The following GKN2 variants were observed in gnomAD, a reference collection of about 807,000 sequenced individuals.
The protein encoded by GKN2 is gastrokine-2.
A neutral mutation model predicts 22.7 loss-of-function variants in GKN2; 17 were observed. That is an observed-to-expected ratio of 0.75 (90% CI 0.51 to 1.13). The LOEUF (loss-of-function observed/expected upper bound fraction) is 1.13. Ranked by LOEUF, GKN2 falls within the 50% of genes most tolerant of loss-of-function variation. The pLI is 0.00. For synonymous variants in GKN2, 82 were observed against 79.6 expected (o/e 1.03, Z -0.16); for missense variants, 248 against 221.4 (o/e 1.12, Z -0.76).
chr2:68,950,561 C>T, intron 2 of GKN2, 141 bp downstream of exon 2: 1 of 755,394 alleles, frequency 1.3e-6, no homozygotes, highest in Non-Finnish European at 2.2e-6. Context: ...TAGCCAAGCT[C>T]ATTATTTCCA....
At chr2:68,951,936 A>G (rs186440468) in intron 1 of GKN2, among the ~76,000 whole-genome samples, 1 of 152,374 alleles carries the variant, frequency 6.6e-6, no homozygotes, top group African/African-American at 2.4e-5. Context: ...GTTAGGTCTC[A>G]ATTTGGAAAA....
chr2:68,950,344 C>G (rs1292946807), intron 2 of GKN2, 81 bp from the exon 3 acceptor site: 9 of 1,373,162 alleles, frequency 6.6e-6, no homozygotes, highest in Non-Finnish European at 9.0e-6. Context: ...AATAAAGCAG[C>G]TGCCTGCTAT....
intron 5 of GKN2, 188 bp downstream of exon 5, chr2:68,946,116 G>A (rs955226029): frequency 2.9e-5 from 14 of 487,596 alleles, no homozygotes; most frequent in African/African-American, 1.4e-4. Context: ...CCCTGGAGAC[G>A]TTTAATTCAT....
chr2:68,951,781 G>A (rs1669859698), intron 1 of GKN2, among the ~76,000 whole-genome samples: 1 of 152,188 alleles, frequency 6.6e-6, no homozygotes, highest in Non-Finnish European at 1.5e-5. Context: ...GTCTAAAATA[G>A]TGGTTTGAAC....
At chr2:68,950,350 G>T in intron 2 of GKN2, 87 bp from the exon 3 acceptor site, 1 of 1,325,402 alleles carries the variant, frequency 7.5e-7, no homozygotes, top group Non-Finnish European at 1.0e-6. Flanking sequence ...GCAGCTGCCT[G>T]CTATGAACAA....
rs748377824 is a variant in GKN2, at chr2:68,950,732, G to A, written c.36C>T (p.Thr12=). 5.6e-6 allele frequency: 9 copies of A among 1,613,952 alleles called. No individual in the cohort carries two copies. Among genetic ancestry groups the A allele is most frequent in the Non-Finnish European group, 7.6e-6 (9 of 1,179,982 alleles). Residue 12 remains threonine (T), a synonymous_variant, in exon 2 of 6, where the codon ACC becomes ACT. Coordinates refer to ENST00000328895, the MANE Select transcript of GKN2 (RefSeq NM_182536.3). ...ATCCATGAGATTGTATCCCAAAGAT[G>A]GTCAGCACCACCAGAAATGCCACCT... The part of the protein sequence containing the change: ...KILVAFLVVL[T]IFGIQSHGYE...
intron 2 of GKN2, 85 bp from the exon 3 acceptor site, chr2:68,950,348 CTGCTA>C: frequency 7.5e-7 from 1 of 1,336,890 alleles, no homozygotes; most frequent in Non-Finnish European, 1.0e-6. Flanking sequence ...AAGCAGCTGC[CTGCTA>C]TGAACAAGGG....
At chr2:68,950,024 T>C (rs1669831768) in intron 3 of GKN2, 102 bp downstream of exon 3, 4 of 877,792 alleles carry the variant, frequency 4.6e-6, no homozygotes, top group Non-Finnish European at 6.4e-6. Flanking sequence ...AATTGCAAGG[T>C]TAAGTCTAAG....
chr2:68,951,204 G>A (rs909514163), intron 1 of GKN2, among the ~76,000 whole-genome samples: 1 of 152,040 alleles, frequency 6.6e-6, no homozygotes, highest in Admixed American at 6.6e-5. Flanking sequence ...AAGACTGAGA[G>A]GGTAATACAG....
chr2:68,950,488 T>A (rs916446886), intron 2 of GKN2, among the ~76,000 whole-genome samples: 3 of 152,148 alleles, frequency 2.0e-5, no homozygotes, highest in Non-Finnish European at 4.4e-5. Context: ...ACAAGAGAAA[T>A]GAGACTGACC....
intron 3 of GKN2, among the ~76,000 whole-genome samples, chr2:68,949,647 T>G (rs181700530): frequency 6.6e-6 from 1 of 152,238 alleles, no homozygotes; most frequent in Admixed American, 6.5e-5. Flanking sequence ...CTCCAACTCC[T>G]GGGCTCAAGA....
In GKN2 at chr2:68,946,433, A is replaced by T. The variant is rs549560991; in HGVS notation, c.343T>A (p.Tyr115Asn). The change falls in exon 5 of 6, where the codon TAC (tyrosine) becomes AAC (asparagine). Residue 115 changes from tyrosine (Y) to asparagine (N), a missense_variant. By Grantham distance (143) the Tyr-to-Asn change is moderately radical. Transcript: ENST00000328895. ...AGAGGGTTGTACTTGACCCAGGTGT[A>T]TTTGCTGGAGAACATGTTGTCCAGA... ...QALDNMFSSK[Y>N]TWVKYNPLES... 23 of 1,611,648 alleles carry T rather than the reference A, an allele frequency of 1.4e-5. No homozygotes were observed. In the South Asian group the frequency reaches 2.5e-4, roughly 18 times the overall value.
chr2:68,949,368 G>GTTGTGATTGCT (rs1669820398), intron 3 of GKN2, among the ~76,000 whole-genome samples: 1 of 151,840 alleles, frequency 6.6e-6, no homozygotes, highest in Admixed American at 6.6e-5. Context: ...TTTCTGCTAT[G>GTTGTGATTGCT]TTGTGATTGC....
At chr2:68,945,502 G>A in intron 5 of GKN2, 52 bp from the exon 6 acceptor site, 1 of 1,273,392 alleles carries the variant, frequency 7.9e-7, no homozygotes, top group Non-Finnish European at 1.1e-6. Flanking sequence ...TATATTATTG[G>A]AATTATTAGA....
At chr2:68,946,544 T>C (rs1267339889) in intron 4 of GKN2, 84 bp from the exon 5 acceptor site, 2 of 1,164,248 alleles carry the variant, frequency 1.7e-6, no homozygotes, top group East Asian at 5.0e-5. Context: ...ACAATTTTTC[T>C]CTTTCAGATT....
chr2:68,946,433 A>G lies in GKN2; in HGVS notation c.343T>C (p.Tyr115His), dbSNP rs549560991. 3.1e-6 allele frequency: 5 copies of G among 1,611,648 alleles called. No homozygotes were observed. In the Middle Eastern group the frequency reaches 6.6e-4, roughly 213 times the overall value. Residue 115 changes from tyrosine (Y) to histidine (H), a missense_variant, in exon 5 of 6, where the codon TAC becomes CAC. Tyr to His is a moderately conservative substitution (Grantham distance 83). Coordinates refer to ENST00000328895, the MANE Select transcript of GKN2 (RefSeq NM_182536.3). Reference protein sequence around the residue: ...QALDNMFSSKYTWVKYNPLES... With the variant: ...QALDNMFSSKHTWVKYNPLES... ...AGAGGGTTGTACTTGACCCAGGTGT[A>G]TTTGCTGGAGAACATGTTGTCCAGA...
At chr2:68,951,187 A>G (rs1669849616) in intron 1 of GKN2, among the ~76,000 whole-genome samples, 1 of 152,138 alleles carries the variant, frequency 6.6e-6, no homozygotes, top group South Asian at 2.1e-4. Context: ...AAAAACTTTA[A>G]TCCCTTAAGA....
rs141736072 is a variant in GKN2 at position 68,950,166 on chromosome 2, G to C, written c.164C>G (p.Ala55Gly). The C allele has an allele frequency of 2.5e-6, 4 of 1,613,738 alleles. No homozygotes were observed. In the African/African-American group the frequency reaches 5.3e-5, roughly 22 times the overall value. The part of the protein sequence containing the change: ...EKNTAIINIH[A>G]GSCSSTTIFD... Reference sequence around the variant, plus strand: ...AATTGTGGTAGAAGAGCATGATCCTGCATGGATGTTAATGATGGCGGTATT... The same window carrying C: ...AATTGTGGTAGAAGAGCATGATCCTCCATGGATGTTAATGATGGCGGTATT... The change falls in exon 3 of 6, where the codon GCA becomes GGA. Residue 55 changes from alanine to glycine, a missense_variant. Physicochemically the swap from Ala to Gly is moderately conservative, Grantham distance 60. Transcript: ENST00000328895.
At position 68,950,133 on chromosome 2, in the gene GKN2, T is replaced by TA. The variant is rs756315596; in HGVS notation, c.196dup (p.Tyr66LeufsTer2). On this transcript the variant is annotated frameshift_variant, in exon 3 of 6. Transcript: ENST00000328895. LOFTEE classifies it high-confidence loss of function. ...AATTCATTTGCTGCTTACATGTTTA[T>TA]AGTCAAAAATTGTGGTAGAAGAGCA... is the stretch of plus-strand genomic sequence containing the variant. 23 of 1,612,478 alleles carry TA rather than the reference T, an allele frequency of 1.4e-5. No homozygotes were observed. Among genetic ancestry groups the TA allele is most frequent in the Non-Finnish European group, 1.7e-5 (20 of 1,179,586 alleles).
Sources: allele counts gnomAD v4.1 joint callset (sites outside exome capture counted in the v4.1 genomes callset), GRCh38; gene constraint gnomAD v4.1.1; transcripts MANE v1.5; gene names NCBI Gene and HGNC (gene_info 2026-07-23, HGNC 2026-07-21).